Variants in VIPR2 observed in about 807,000 individuals in gnomAD.
VIPR2 encodes the protein vasoactive intestinal polypeptide receptor 2.
In VIPR2, 48 loss-of-function variants were observed where a neutral mutation model predicts 58.0. That is an observed-to-expected ratio of 0.83 (90% CI 0.66 to 1.05). The LOEUF (loss-of-function observed/expected upper bound fraction) is 1.05, where lower values mean the gene tolerates loss of function less well. Among genes scored for constraint, VIPR2 ranks in the 50% least tolerant of loss-of-function variants. VIPR2 has a pLI of 0.00. For missense variants in VIPR2, 534 were observed against 558.0 expected (o/e 0.96, Z 0.43); for synonymous variants, 243 against 235.2 (o/e 1.03, Z -0.30).
In VIPR2 at chr7:159,081,549, T is replaced by C. The variant is rs1163772228; in HGVS notation, c.357+22208A>G. ...AACCTAGGCAATACCATTGAGGACA[T>C]AGGCATGGGCAAGGACTTCATGTCT... On this transcript the variant is annotated intron_variant, in intron 4 of 12. Transcript: ENST00000262178. Among the ~76,000 whole-genome samples the C allele has an allele frequency of 5.9e-5, 9 of 152,310 alleles. No homozygotes were observed. The South Asian group carries it at 1.9e-3, about 32-fold the overall frequency.
intron 2 of VIPR2, among the ~76,000 whole-genome samples, chr7:159,132,695 T>G (rs426425): frequency 1.7e-4 from 26 of 149,760 alleles, no homozygotes; most frequent in Non-Finnish European, 2.7e-4. Context: ...ACGGACGGGC[T>G]CATTCAAGAA....
chr7:159,070,275 C>T (rs1055217326), intron 4 of VIPR2, among the ~76,000 whole-genome samples: 11 of 152,152 alleles, frequency 7.2e-5, no homozygotes, highest in African/African-American at 1.7e-4. Context: ...CAGGGCTGCA[C>T]GGAGGACTCC....
chr7:159,119,123 A>G (rs1302828454), intron 2 of VIPR2, among the ~76,000 whole-genome samples: 1 of 152,170 alleles, frequency 6.6e-6, no homozygotes, highest in Non-Finnish European at 1.5e-5. Context: ...GTCACCATGT[A>G]GGGTGGTCCC....
At chr7:159,136,898 G>A (rs1797252706) in intron 2 of VIPR2, among the ~76,000 whole-genome samples, 1 of 152,196 alleles carries the variant, frequency 6.6e-6, no homozygotes, top group Non-Finnish European at 1.5e-5. Flanking sequence ...AAGCAGCCAG[G>A]TTCTGAGGAC....
intron 5 of VIPR2, among the ~76,000 whole-genome samples, chr7:159,057,171 C>T (rs1377613628): frequency 1.3e-5 from 2 of 152,168 alleles, no homozygotes; most frequent in Admixed American, 1.3e-4. Context: ...TTCAATTTCC[C>T]TGGGTCAGCT....
At chr7:159,033,487 T>TA (rs59845674) in intron 10 of VIPR2, among the ~76,000 whole-genome samples, 4 of 151,930 alleles carry the variant, frequency 2.6e-5, no homozygotes, top group South Asian at 2.1e-4. Flanking sequence ...TTTACCTTTT[T>TA]AAAAAAAAAT....
At chr7:159,115,698 G>A (rs1019002654) in intron 2 of VIPR2, among the ~76,000 whole-genome samples, 13 of 152,334 alleles carry the variant, frequency 8.5e-5, no homozygotes, top group Middle Eastern at 3.4e-3. Context: ...TGGCTGGGTC[G>A]TCCCTTGGCC....
At position 159,127,152 on chromosome 7, in the gene VIPR2, A is replaced by C. The variant is rs1382808324; in HGVS notation, c.151+15294T>G. Among the ~76,000 whole-genome samples, 2 of 152,230 alleles carry C rather than the reference A, an allele frequency of 1.3e-5. No homozygotes were observed. Among genetic ancestry groups the C allele is most frequent in the Non-Finnish European group, 2.9e-5 (2 of 68,050 alleles). The stretch of plus-strand genomic sequence containing the variant: ...TTCTTCAGATGACTCAGATACGCTG[A>C]CATTCTGTCTAATTAGTGCGCTGCA... On this transcript the variant is annotated intron_variant, in intron 2 of 12. Coordinates refer to ENST00000262178, the MANE Select transcript of VIPR2 (RefSeq NM_003382.5). The surrounding 1 kb of genome is among the most constrained non-coding windows in gnomAD (Gnocchi z 4.6).
intron 4 of VIPR2, among the ~76,000 whole-genome samples, chr7:159,101,756 G>A (rs56206558): frequency 3.2e-4 from 41 of 129,960 alleles, no homozygotes; most frequent in African/African-American, 7.9e-4. Context: ...CCGACGAGGC[G>A]GTTCCGACTG....
intron 6 of VIPR2, among the ~76,000 whole-genome samples, chr7:159,037,759 G>C (rs1585334983): frequency 6.7e-6 from 1 of 150,316 alleles, no homozygotes; most frequent in Non-Finnish European, 1.5e-5. Flanking sequence ...AGGCATTTCA[G>C]CTTCATGAGC....
At chr7:159,064,725 C>T (rs559697763) in intron 4 of VIPR2, among the ~76,000 whole-genome samples, 8 of 152,280 alleles carry the variant, frequency 5.3e-5, no homozygotes, top group African/African-American at 1.4e-4. Context: ...CATCCAGGGC[C>T]GTCTGCTGGC....
chr7:159,064,147 G>A (rs1855936834), intron 4 of VIPR2, among the ~76,000 whole-genome samples: 2 of 151,988 alleles, frequency 1.3e-5, no homozygotes, highest in South Asian at 4.1e-4. Context: ...GTGGGTGGGC[G>A]CGGAGGGAGC....
chr7:159,051,988 T>C (rs1418421949), intron 5 of VIPR2, among the ~76,000 whole-genome samples: 1 of 152,172 alleles, frequency 6.6e-6, no homozygotes, highest in Non-Finnish European at 1.5e-5. Flanking sequence ...TTTGGAATAA[T>C]TAAATAACAT....
At chr7:159,068,478 G>A (rs1343832095) in intron 4 of VIPR2, among the ~76,000 whole-genome samples, 1 of 152,200 alleles carries the variant, frequency 6.6e-6, no homozygotes, top group Non-Finnish European at 1.5e-5. Flanking sequence ...GCAGGAAGAG[G>A]GTTCCCACAC....
At chr7:159,129,760 C>T (rs1796814845) in intron 2 of VIPR2, among the ~76,000 whole-genome samples, 1 of 143,900 alleles carries the variant, frequency 6.9e-6, no homozygotes, top group African/African-American at 2.6e-5. Context: ...CAGCTTCACA[C>T]TCTGTTCCCT....
chr7:159,110,325 G>C (rs1034527831), intron 2 of VIPR2, among the ~76,000 whole-genome samples: 10 of 152,190 alleles, frequency 6.6e-5, no homozygotes, highest in African/African-American at 2.4e-4. Context: ...AAAAGTATTT[G>C]ATAATATTTG....
intron 4 of VIPR2, among the ~76,000 whole-genome samples, chr7:159,074,396 G>C (rs939871688): frequency 6.6e-6 from 1 of 152,144 alleles, no homozygotes; most frequent in Non-Finnish European, 1.5e-5. Context: ...ACTTTTTGGT[G>C]ATGGTATCAA....
chr7:159,035,906 T>C (rs1364611846), intron 8 of VIPR2, 46 bp downstream of exon 8: 1 of 1,597,854 alleles, frequency 6.3e-7, no homozygotes, highest in South Asian at 1.1e-5. Context: ...TGTTGCCAGA[T>C]GTTGCCGGGC....
chr7:159,135,415 G>C (rs1270898072), intron 2 of VIPR2, among the ~76,000 whole-genome samples: 1 of 152,102 alleles, frequency 6.6e-6, no homozygotes, highest in Non-Finnish European at 1.5e-5. Context: ...CTGGGTGACA[G>C]AGTGCGTGAG....
Sources: allele counts gnomAD v4.1 joint callset (sites outside exome capture counted in the v4.1 genomes callset), GRCh38; gene constraint gnomAD v4.1.1; non-coding constraint Gnocchi (gnomAD v3.1); transcripts MANE v1.5; gene names NCBI Gene and HGNC (gene_info 2026-07-23, HGNC 2026-07-21).